Variants in PCDHGA9 observed in about 807,000 individuals in gnomAD.
PCDHGA9 encodes the protein protocadherin gamma subfamily A, 9, also known as protocadherin gamma-A9.
Under a neutral mutation model 62.5 loss-of-function variants are expected in PCDHGA9, and 37 were observed. The ratio of observed to expected loss-of-function variants is 0.59; its 90% CI spans 0.46 to 0.78. The LOEUF (loss-of-function observed/expected upper bound fraction) is 0.78. Among genes scored for constraint, PCDHGA9 ranks in the 30% least tolerant of loss-of-function variants. The pLI is 0.00. For synonymous variants in PCDHGA9, 459 were observed against 484.6 expected (o/e 0.95, Z 0.69); for missense variants, 1,138 against 1,166.2 (o/e 0.98, Z 0.35).
chr5:141,403,056 T>A lies in PCDHGA9; in HGVS notation c.104T>A (p.Val35Glu). Residue 35 changes from valine to glutamate, a missense_variant, in exon 1 of 4, where the codon GTG becomes GAG. By Grantham distance (121) the Val-to-Glu change is moderately radical. Transcript: ENST00000573521. Reference protein sequence around the residue: ...EARASQIRYSVPEETEKGYIV... With the variant: ...EARASQIRYSEPEETEKGYIV... ...AGGGCCAGTCAGATTCGCTACTCAG[T>A]GCCTGAAGAGACAGAAAAGGGCTAT... The A allele has an allele frequency of 6.2e-7, 1 of 1,614,046 alleles. No individual in the cohort carries two copies. Among genetic ancestry groups the A allele is most frequent in the Non-Finnish European group, 8.5e-7 (1 of 1,179,906 alleles).
intron 1 of PCDHGA9, among the ~76,000 whole-genome samples, chr5:141,407,049 C>T (rs1483952329): frequency 6.6e-6 from 1 of 152,162 alleles, no homozygotes. Context: ...TCCATAGATA[C>T]ACTGATGACT....
rs533857281 is a variant in PCDHGA9 at position 141,429,742 on chromosome 5, T to C, written c.2424+24366T>C. Among the ~76,000 whole-genome samples the C allele has an allele frequency of 3.8e-4, 58 of 152,336 alleles. 1 individual carries two copies. Among genetic ancestry groups the C allele is most frequent in the Admixed American group, 2.0e-4 (3 of 15,302 alleles). Reference sequence around the variant, plus strand: ...ATGAAAGTACGTAGCCAGTTATTTCTTAGGGAGAATTTTTTCCCTATATTT... The same window carrying C: ...ATGAAAGTACGTAGCCAGTTATTTCCTAGGGAGAATTTTTTCCCTATATTT... On this transcript the variant is annotated intron_variant, in intron 1 of 3. Transcript: ENST00000573521.
intron 1 of PCDHGA9, chr5:141,421,777 CG>C (rs760013586): frequency 1.2e-6 from 2 of 1,613,804 alleles, no homozygotes; most frequent in Admixed American, 3.3e-5. Flanking sequence ...CTTGCAACTG[CG>C]GGGCAGAACG....
At chr5:141,454,034 G>A (rs530844564) in intron 1 of PCDHGA9, among the ~76,000 whole-genome samples, 10 of 152,270 alleles carry the variant, frequency 6.6e-5, no homozygotes, top group African/African-American at 2.4e-4. Context: ...GAATTGGCCA[G>A]CAAAGATAAA....
chr5:141,466,812 G>T (rs1394979761), intron 1 of PCDHGA9, among the ~76,000 whole-genome samples: 1 of 151,940 alleles, frequency 6.6e-6, no homozygotes, highest in African/African-American at 2.4e-5. Flanking sequence ...ATTCAGACAT[G>T]GTATAACAAG....
intron 1 of PCDHGA9, chr5:141,423,090 G>GT (rs2096707772): frequency 2.5e-6 from 4 of 1,613,904 alleles, no homozygotes; most frequent in African/African-American, 2.7e-5. Flanking sequence ...TCGCGGTGGG[G>GT]GAGCACACGG....
chr5:141,421,102 T>A (rs1420706532), intron 1 of PCDHGA9: 2 of 691,286 alleles, frequency 2.9e-6, no homozygotes, highest in Admixed American at 6.2e-5. Context: ...CACTGGAGAC[T>A]TAGAAGTATT....
intron 2 of PCDHGA9, among the ~76,000 whole-genome samples, chr5:141,503,275 C>T (rs1466636672): frequency 1.3e-5 from 2 of 152,108 alleles, no homozygotes; most frequent in Non-Finnish European, 2.9e-5. Context: ...GCACCTGGCT[C>T]TGTGTCTGGT....
At chr5:141,418,752 C>T (rs2096284996) in intron 1 of PCDHGA9, 1 of 1,613,874 alleles carries the variant, frequency 6.2e-7, no homozygotes, top group African/African-American at 1.3e-5. Flanking sequence ...GATTACACTA[C>T]AGGAAACATT....
intron 1 of PCDHGA9, among the ~76,000 whole-genome samples, chr5:141,474,010 C>G (rs989832548): frequency 1.3e-5 from 2 of 152,092 alleles, no homozygotes; most frequent in Admixed American, 1.3e-4. Flanking sequence ...CTGGAAGTTA[C>G]AGTGAGCTAT....
chr5:141,476,801 C>A lies in PCDHGA9; in HGVS notation c.2425-18006C>A, dbSNP rs752954707. The A allele has an allele frequency of 5.8e-5, 94 of 1,613,468 alleles. No homozygotes were observed. The highest frequency in any genetic ancestry group is 7.9e-5 in the Non-Finnish European group (93 of 1,180,028). The stretch of plus-strand genomic sequence containing the variant: ...GACCCCAGCTCTCTCCGCCAGCCTG[C>A]CTATTCACATCAAGGTGCTGGACGC... On this transcript the variant is annotated intron_variant, in intron 1 of 3. Transcript: ENST00000573521. This position sits in a 1 kb window ranked among gnomAD's most constrained non-coding sequence, Gnocchi z 7.6.
At chr5:141,405,978 T>G (rs1280230437) in intron 1 of PCDHGA9, among the ~76,000 whole-genome samples, 1 of 152,144 alleles carries the variant, frequency 6.6e-6, no homozygotes, top group Non-Finnish European at 1.5e-5. Context: ...TAAACCATAC[T>G]TCATGGGGTA....
chr5:141,427,704 G>C (rs2097059746), intron 1 of PCDHGA9: 2 of 966,116 alleles, frequency 2.1e-6, no homozygotes, highest in Non-Finnish European at 3.2e-6. Context: ...ACAAGTCAGC[G>C]CCTCTGACCT....
intron 1 of PCDHGA9, among the ~76,000 whole-genome samples, chr5:141,436,720 A>G (rs1337926057): frequency 1.5e-4 from 23 of 152,216 alleles, no homozygotes; most frequent in Non-Finnish European, 3.4e-4. Context: ...TCTGTTGGGA[A>G]AAATAATAAT....
chr5:141,477,221 A>G lies in PCDHGA9; in HGVS notation c.2425-17586A>G, dbSNP rs771608717. 1 of 1,614,178 alleles carries G rather than the reference A, an allele frequency of 6.2e-7. No homozygotes were observed. The highest frequency in any genetic ancestry group is 8.5e-7 in the Non-Finnish European group (1 of 1,180,044). ...AGTACCCGAGGATGCCCCTCTGGGG[A>G]CTGTCATCGCTTTGCTCAGTGTGAC... On this transcript the variant is annotated intron_variant, in intron 1 of 3. Coordinates refer to ENST00000573521, the MANE Select transcript of PCDHGA9 (RefSeq NM_018921.3). This position sits in a 1 kb window ranked among gnomAD's most constrained non-coding sequence, Gnocchi z 4.9.
intron 3 of PCDHGA9, among the ~76,000 whole-genome samples, chr5:141,508,871 A>T (rs981330486): frequency 5.3e-5 from 8 of 152,062 alleles, no homozygotes; most frequent in East Asian, 3.9e-4. Flanking sequence ...AAGGCTGAAG[A>T]GGCTGACGGC....
rs1419377760 is a variant in PCDHGA9 at position 141,418,687 on chromosome 5, GATCACTT to G, written c.2424+13314_2424+13320del. ...ACCAGGACGAGGGCATCAACTCAGA[GATCACTT>G]ATTCCTTCTTTGGTGTGGCTGACAA... On this transcript the variant is annotated intron_variant, in intron 1 of 3. Transcript: ENST00000573521. 6 of 1,613,928 alleles carry G rather than the reference GATCACTT, an allele frequency of 3.7e-6. No individual in the cohort carries two copies. In the African/African-American group the frequency reaches 8.0e-5, roughly 22 times the overall value.
Position 141,450,757 on chromosome 5 carries a change from G to A in PCDHGA9, c.2425-44050G>A, listed in dbSNP as rs575351311. Among the ~76,000 whole-genome samples, 5 of 151,964 alleles carry A rather than the reference G, an allele frequency of 3.3e-5. No individual in the cohort carries two copies. In the East Asian group the frequency reaches 9.7e-4, roughly 29 times the overall value. ...CCGCCTTGGCCTCCCAAAGTGCCGG[G>A]ATTACAGGCATGAGCCACCGTGCCC... On this transcript the variant is annotated intron_variant, in intron 1 of 3. Coordinates refer to ENST00000573521, the MANE Select transcript of PCDHGA9 (RefSeq NM_018921.3).
At position 141,511,575 on chromosome 5, in the gene PCDHGA9, T is replaced by C. The variant is rs930675653; in HGVS notation, c.*402T>C. On this transcript the variant is annotated 3_prime_UTR_variant, in exon 4 of 4. Transcript: ENST00000573521. ...AGTTCCTCTTTCCCGAGTAAGGTGG[T>C]TGGGGTGTTGAAGTACCAAGTAACC... 28 of 287,258 alleles carry C rather than the reference T, an allele frequency of 9.7e-5. No individual in the cohort carries two copies. Among genetic ancestry groups the C allele is most frequent in the Middle Eastern group, 1.3e-3 (1 of 784 alleles). The allele number at this position is 287,258 out of a possible 1,614,324, so 17.8% of individuals were successfully genotyped here.
Sources: allele counts gnomAD v4.1 joint callset (sites outside exome capture counted in the v4.1 genomes callset), GRCh38; gene constraint gnomAD v4.1.1; non-coding constraint Gnocchi (gnomAD v3.1); transcripts MANE v1.5; gene names NCBI Gene and HGNC (gene_info 2026-07-23, HGNC 2026-07-21).